Variants in CCDC150 observed in about 807,000 individuals in gnomAD.
The protein encoded by CCDC150 is coiled-coil domain containing 150.
CCDC150 carries 151 observed loss-of-function variants against 156.5 expected under a neutral mutation model. The observed-to-expected ratio is 0.97, with a 90% confidence interval of 0.85 to 1.10. CCDC150 has a LOEUF of 1.10. Among genes scored for constraint, CCDC150 ranks in the 50% least tolerant of loss-of-function variants. CCDC150 has a pLI of 0.00. For synonymous variants in CCDC150, 452 were observed against 429.4 expected (o/e 1.05, Z -0.65); for missense variants, 1,312 against 1,268.1 (o/e 1.03, Z -0.53).
intron 5 of CCDC150, among the ~76,000 whole-genome samples, chr2:196,662,483 C>T (rs573647954): frequency 2.8e-4 from 43 of 152,224 alleles, no homozygotes; most frequent in African/African-American, 1.0e-3. Flanking sequence ...ACCTAGATCC[C>T]TTGCATGCAC....
chr2:196,723,850 C>G (rs942427805), intron 21 of CCDC150, among the ~76,000 whole-genome samples: 1 of 152,130 alleles, frequency 6.6e-6, no homozygotes, highest in Admixed American at 6.5e-5. Context: ...TGAGGAAAGG[C>G]AGGCAAAGAG....
Position 196,699,511 on chromosome 2 carries a change from T to C in CCDC150, c.1624-1598T>C, listed in dbSNP as rs1696056105. On this transcript the variant is annotated intron_variant, in intron 14 of 27. Coordinates refer to ENST00000389175, the MANE Select transcript of CCDC150 (RefSeq NM_001080539.2). ...AACTGCTAAGGAGAAAACAATGCTCTAGACTACTGTGCCTTTTTTTTTTTT... is the reference window on the plus strand; with the variant it reads ...AACTGCTAAGGAGAAAACAATGCTCCAGACTACTGTGCCTTTTTTTTTTTT... Among the ~76,000 whole-genome samples, 3 of 139,544 alleles carry C rather than the reference T, an allele frequency of 2.1e-5. No homozygotes were observed. In the Admixed American group the frequency reaches 2.3e-4, roughly 11 times the overall value. The allele number at this position is 139,544 out of a possible 152,430, so 91.5% of individuals were successfully genotyped here.
chr2:196,642,136 A>G (rs1023227947), intron 1 of CCDC150, among the ~76,000 whole-genome samples: 6 of 152,196 alleles, frequency 3.9e-5, no homozygotes, highest in Non-Finnish European at 8.8e-5. Context: ...CAGTATTTTT[A>G]TTATTGTTAC....
intron 6 of CCDC150, 39 bp from the exon 7 acceptor site, chr2:196,666,680 T>G: frequency 2.6e-6 from 4 of 1,542,244 alleles, no homozygotes; most frequent in Non-Finnish European, 3.5e-6. Context: ...TTTGAAATCT[T>G]TATCTCACAG....
intron 23 of CCDC150, 52 bp downstream of exon 23, chr2:196,729,439 C>A: frequency 6.5e-7 from 1 of 1,545,284 alleles, no homozygotes; most frequent in Non-Finnish European, 8.9e-7. Context: ...AGGATGTAGT[C>A]AGTCAATGGT....
chr2:196,664,612 A>G (rs543291625), intron 5 of CCDC150, among the ~76,000 whole-genome samples: 1 of 152,274 alleles, frequency 6.6e-6, no homozygotes, highest in East Asian at 1.9e-4. Flanking sequence ...GCCTCATTAC[A>G]TAGGCATGAT....
intron 22 of CCDC150, among the ~76,000 whole-genome samples, chr2:196,728,880 A>T (rs1468572088): frequency 6.6e-6 from 1 of 152,228 alleles, no homozygotes; most frequent in Non-Finnish European, 1.5e-5. Context: ...ATTGCTCCAG[A>T]TCACTCAGCT....
At chr2:196,701,987 T>C (rs1696245185) in intron 15 of CCDC150, among the ~76,000 whole-genome samples, 1 of 152,284 alleles carries the variant, frequency 6.6e-6, no homozygotes, top group East Asian at 1.9e-4. Context: ...CCCAACACTT[T>C]GGGTGGCTGA....
rs755743272 is a variant in CCDC150, at chr2:196,719,559, G to T, written c.2058G>T (p.Met686Ile). The change falls in exon 19 of 28, where the codon ATG becomes ATT. Residue 686 changes from methionine to isoleucine, a missense_variant. Met to Ile is a conservative substitution (Grantham distance 10). Transcript: ENST00000389175. ...AKEDNCKVTI[M>I]LENVLASHSK... ...AAGACAACTGCAAAGTCACAATCATGTTGGAGAATGTGCTGGCTTCTCACA... is the reference window on the plus strand; with the variant it reads ...AAGACAACTGCAAAGTCACAATCATTTTGGAGAATGTGCTGGCTTCTCACA... 2.5e-6 allele frequency: 4 copies of T among 1,613,102 alleles called. No individual in the cohort carries two copies. The highest frequency in any genetic ancestry group is 3.4e-6 in the Non-Finnish European group (4 of 1,179,486).
At chr2:196,707,066 G>A (rs1219819056) in intron 15 of CCDC150, among the ~76,000 whole-genome samples, 1 of 152,134 alleles carries the variant, frequency 6.6e-6, no homozygotes, top group East Asian at 1.9e-4. Context: ...CTATTGATTG[G>A]GATAGTTTCA....
chr2:196,698,820 C>A (rs1695987001), intron 14 of CCDC150, among the ~76,000 whole-genome samples: 1 of 152,192 alleles, frequency 6.6e-6, no homozygotes. Context: ...AGGTATATCT[C>A]CTAATGCTAT....
At position 196,639,730 on chromosome 2, in the gene CCDC150, C is replaced by T. The variant is rs745461435; in HGVS notation, c.-37C>T. ...ATGCTGTGTTAGTTCCACGGAAACC[C>T]GCTCGCCTGCTGCAGTACGGAGCCT... On this transcript the variant is annotated 5_prime_UTR_variant, in exon 1 of 28. Coordinates refer to ENST00000389175, the MANE Select transcript of CCDC150 (RefSeq NM_001080539.2). The T allele has an allele frequency of 1.2e-5, 19 of 1,529,330 alleles. No individual in the cohort carries two copies. The Admixed American group carries it at 2.6e-4, about 21-fold the overall frequency. The allele number at this position is 1,529,330 out of a possible 1,614,324, so 94.7% of individuals were successfully genotyped here.
intron 5 of CCDC150, among the ~76,000 whole-genome samples, chr2:196,659,580 G>T (rs1455546339): frequency 6.6e-6 from 1 of 152,104 alleles, no homozygotes; most frequent in Non-Finnish European, 1.5e-5. Context: ...TTGGAAAATT[G>T]TCTTATACTG....
chr2:196,709,713 T>G (rs1277976606), intron 15 of CCDC150, among the ~76,000 whole-genome samples: 1 of 152,220 alleles, frequency 6.6e-6, no homozygotes. Context: ...TTTTTGTTGA[T>G]GTTGATGCTA....
At chr2:196,644,051 G>A (rs949185531) in intron 1 of CCDC150, among the ~76,000 whole-genome samples, 2 of 152,086 alleles carry the variant, frequency 1.3e-5, no homozygotes, top group African/African-American at 2.4e-5. Flanking sequence ...CTGATGGAAC[G>A]CTCTGGGAAT....
intron 15 of CCDC150, among the ~76,000 whole-genome samples, chr2:196,708,954 C>T (rs1696883435): frequency 6.6e-6 from 1 of 152,158 alleles, no homozygotes; most frequent in Admixed American, 6.5e-5. Context: ...TTCATTTCAA[C>T]CTTAGTGAAT....
chr2:196,709,542 C>T (rs1696932640), intron 15 of CCDC150, among the ~76,000 whole-genome samples: 1 of 152,132 alleles, frequency 6.6e-6, no homozygotes, highest in Non-Finnish European at 1.5e-5. Context: ...CAGCTTTGTT[C>T]CGTTGCTGGT....
intron 2 of CCDC150, among the ~76,000 whole-genome samples, chr2:196,648,771 T>G (rs1298843787): frequency 6.6e-6 from 1 of 152,230 alleles, no homozygotes. Flanking sequence ...GTTTCAGGTC[T>G]TATGTTTTAC....
chr2:196,692,121 A>ATTTTT (rs1161513452), intron 13 of CCDC150, among the ~76,000 whole-genome samples: 3 of 62,034 alleles, frequency 4.8e-5, no homozygotes, highest in African/African-American at 6.9e-5. Flanking sequence ...TTGAGATCTA[A>ATTTTT]TTTTTTTTTT....
Sources: gnomAD v4.1 joint callset for allele counts (sites outside exome capture counted in the v4.1 genomes callset) on GRCh38, gnomAD v4.1.1 for gene constraint, MANE v1.5 for transcripts, NCBI Gene and HGNC (gene_info 2026-07-23, HGNC 2026-07-21) for gene names.